Variants in LRRC4C observed in about 807,000 individuals in gnomAD.
LRRC4C encodes leucine-rich repeat-containing protein 4C.
LRRC4C carries 5 observed loss-of-function variants against 33.6 expected under a neutral mutation model. The observed-to-expected ratio is 0.15, with a 90% CI of 0.08 to 0.31. The LOEUF (loss-of-function observed/expected upper bound fraction) is 0.31. Among genes scored for constraint, LRRC4C ranks in the 10% least tolerant of loss-of-function variants. The pLI, the probability that LRRC4C is intolerant of heterozygous loss-of-function variation, is 1.00. For missense variants in LRRC4C, 560 were observed against 796.7 expected (o/e 0.70, Z 3.58); for synonymous variants, 329 against 302.0 (o/e 1.09, Z -0.93).
intron 2 of LRRC4C, among the ~76,000 whole-genome samples, chr11:40,914,079 C>A (rs1477921821): frequency 6.6e-6 from 1 of 152,050 alleles, no homozygotes; most frequent in Non-Finnish European, 1.5e-5. Context: ...AAAAAAAGTC[C>A]AGGACCAGAT....
chr11:40,920,954 TC>T (rs1957149738), intron 2 of LRRC4C, among the ~76,000 whole-genome samples: 1 of 150,472 alleles, frequency 6.6e-6, no homozygotes, highest in Non-Finnish European at 1.5e-5. Flanking sequence ...AGGGTCTTGC[TC>T]TGTTGTCCAG....
At chr11:40,363,026 T>A (rs1486540401) in intron 3 of LRRC4C, among the ~76,000 whole-genome samples, 2 of 152,072 alleles carry the variant, frequency 1.3e-5, no homozygotes, top group Non-Finnish European at 2.9e-5. Context: ...AAGAAAGAAG[T>A]ACCATTCCAC....
intron 1 of LRRC4C, among the ~76,000 whole-genome samples, chr11:41,133,305 G>A (rs955514061): frequency 6.6e-6 from 1 of 152,048 alleles, no homozygotes; most frequent in African/African-American, 2.4e-5. Flanking sequence ...GGGGATGGTG[G>A]GGAAAGTGAT....
intron 3 of LRRC4C, among the ~76,000 whole-genome samples, chr11:40,361,968 A>C (rs1947974687): frequency 6.6e-6 from 1 of 152,144 alleles, no homozygotes; most frequent in Non-Finnish European, 1.5e-5. Flanking sequence ...GCACACCTTC[A>C]ACTATCTGAT....
chr11:40,767,250 A>G (rs1949520219), intron 2 of LRRC4C, among the ~76,000 whole-genome samples: 1 of 152,166 alleles, frequency 6.6e-6, no homozygotes, highest in Non-Finnish European at 1.5e-5. Context: ...GTAATAACAA[A>G]GGTGTCAATT....
chr11:41,395,912 T>C (rs1953791211), intron 1 of LRRC4C, among the ~76,000 whole-genome samples: 1 of 152,102 alleles, frequency 6.6e-6, no homozygotes, highest in Non-Finnish European at 1.5e-5. Context: ...TTTATTTGTT[T>C]CTTTCCTTTT....
intron 1 of LRRC4C, among the ~76,000 whole-genome samples, chr11:41,176,920 G>A (rs1441486205): frequency 1.3e-5 from 2 of 152,022 alleles, no homozygotes; most frequent in South Asian, 2.1e-4. Context: ...AGCTGAGATT[G>A]CGCCACTGCA....
intron 1 of LRRC4C, among the ~76,000 whole-genome samples, chr11:41,034,753 T>C (rs957091664): frequency 1.1e-4 from 16 of 148,906 alleles, no homozygotes; most frequent in Admixed American, 2.7e-4. Context: ...TCTGATTTCA[T>C]AGTGGTCAAG....
At position 40,543,838 on chromosome 11, in the gene LRRC4C, AT is replaced by A. The variant is rs527624107; in HGVS notation, c.-270+104303del. Among the ~76,000 whole-genome samples, 741 of 151,928 alleles carry A rather than the reference AT, an allele frequency of 4.9e-3. 3 individuals carry two copies. The highest frequency in any genetic ancestry group is 0.017 in the African/African-American group (719 of 41,476). ...CAACAGTGATCATTTGAGGACTACC[AT>A]TTTTTTTGTATTAAAATACATGGGT... On this transcript the variant is annotated intron_variant, in intron 3 of 6. Coordinates refer to ENST00000528697, the MANE Select transcript of LRRC4C (RefSeq NM_001258419.2).
At chr11:40,432,429 G>A (rs1950972036) in intron 3 of LRRC4C, among the ~76,000 whole-genome samples, 1 of 152,132 alleles carries the variant, frequency 6.6e-6, no homozygotes, top group African/African-American at 2.4e-5. Flanking sequence ...AAGTTTAAGT[G>A]TCTTGAAGAA....
At chr11:41,160,284 A>G (rs537478999) in intron 1 of LRRC4C, among the ~76,000 whole-genome samples, 43 of 152,034 alleles carry the variant, frequency 2.8e-4, no homozygotes, top group Admixed American at 1.8e-3. Context: ...TAAGAAAATG[A>G]CTTCATGCCA....
At chr11:40,653,385 A>G (rs941217014) in intron 2 of LRRC4C, among the ~76,000 whole-genome samples, 9 of 152,196 alleles carry the variant, frequency 5.9e-5, no homozygotes, top group Non-Finnish European at 1.2e-4. Context: ...AATGGAGATG[A>G]GGAACTTGTT....
At chr11:41,287,103 G>T (rs973612486) in intron 1 of LRRC4C, among the ~76,000 whole-genome samples, 4 of 152,052 alleles carry the variant, frequency 2.6e-5, no homozygotes, top group South Asian at 2.1e-4. Flanking sequence ...ACAATAAAAA[G>T]AATTAAATTA....
intron 3 of LRRC4C, among the ~76,000 whole-genome samples, chr11:40,448,208 G>A: frequency 6.6e-6 from 1 of 152,258 alleles, no homozygotes; most frequent in African/African-American, 2.4e-5. Flanking sequence ...AGACATTTAA[G>A]TTAAAATTCA....
rs1954929361 is a variant in LRRC4C, at chr11:40,877,014, GTGTA to G, written c.-407+56617_-407+56620del. On this transcript the variant is annotated intron_variant, in intron 2 of 6. Transcript: ENST00000528697. ...ACTTTTGTGAGTAAGAGAAGATGATGTGTATGCTCTGTGTCCATCTCCTCACAGA... is the reference window on the plus strand; with the variant it reads ...ACTTTTGTGAGTAAGAGAAGATGATGTGCTCTGTGTCCATCTCCTCACAGA... 7.2e-5 allele frequency among the ~76,000 whole-genome samples: 11 copies of G among 152,048 alleles called. No homozygotes were observed. In the South Asian group the frequency reaches 2.3e-3, roughly 32 times the overall value.
At chr11:40,497,876 A>G (rs1954548691) in intron 3 of LRRC4C, among the ~76,000 whole-genome samples, 1 of 152,188 alleles carries the variant, frequency 6.6e-6, no homozygotes, top group East Asian at 1.9e-4. Flanking sequence ...GTTCTTATAA[A>G]AACTGAATAC....
At chr11:40,421,920 T>C (rs1950537131) in intron 3 of LRRC4C, among the ~76,000 whole-genome samples, 1 of 152,234 alleles carries the variant, frequency 6.6e-6, no homozygotes, top group Admixed American at 6.5e-5. Flanking sequence ...AGCAAAATGC[T>C]GTGGAGGAAC....
chr11:41,323,086 C>A (rs1183933468), intron 1 of LRRC4C, among the ~76,000 whole-genome samples: 1 of 152,094 alleles, frequency 6.6e-6, no homozygotes, highest in Non-Finnish European at 1.5e-5. Context: ...ATATGTCAGA[C>A]AATATTTCAA....
intron 2 of LRRC4C, among the ~76,000 whole-genome samples, chr11:40,694,322 A>G (rs369967777): frequency 6.6e-6 from 1 of 152,160 alleles, no homozygotes; most frequent in Non-Finnish European, 1.5e-5. Context: ...TAAATAGTGA[A>G]TAGAAATCGA....
Sources: gnomAD v4.1 joint callset for allele counts (sites outside exome capture counted in the v4.1 genomes callset) on GRCh38, gnomAD v4.1.1 for gene constraint, MANE v1.5 for transcripts, NCBI Gene and HGNC (gene_info 2026-07-23, HGNC 2026-07-21) for gene names.